Variants in HLA-DRB1 observed in about 807,000 individuals in gnomAD.
The protein encoded by HLA-DRB1 is major histocompatibility complex, class II, DR beta 1 precursor.
Under a neutral mutation model 27.9 loss-of-function variants are expected in HLA-DRB1, and 10 were observed. The ratio of observed to expected loss-of-function variants is 0.36; its 90% CI spans 0.22 to 0.61. HLA-DRB1 has a LOEUF of 0.61. Among genes scored for constraint, HLA-DRB1 ranks in the 20% least tolerant of loss-of-function variants. The probability of loss-of-function intolerance (pLI) is 0.73; values close to 1 mark genes in which losing one functional copy is unlikely to be tolerated. For missense variants in HLA-DRB1, 118 were observed against 306.3 expected, an observed-to-expected ratio of 0.39 and a Z score of 4.59; for synonymous variants, 57 against 126.7, an observed-to-expected ratio of 0.45 and a Z score of 3.69.
At chr6:32,584,707 C>CTG (rs1220752063) in intron 1 of HLA-DRB1, among the ~76,000 whole-genome samples, 29,414 of 96,820 alleles carry the variant, frequency 0.3, 2,554 homozygotes, top group East Asian at 0.36. Context: ...CTGGGAGCCC[C>CTG]AAAGACACTC....
chr6:32,582,431 A>G (rs9469172), intron 2 of HLA-DRB1, among the ~76,000 whole-genome samples: 3 of 120,136 alleles, frequency 2.5e-5, no homozygotes, highest in African/African-American at 3.5e-5. Context: ...ACACCTTGAC[A>G]GAAAAATATG....
intron 2 of HLA-DRB1, among the ~76,000 whole-genome samples, chr6:32,582,140 G>A (rs796755799): frequency 0.07 from 6,315 of 90,670 alleles, no homozygotes; most frequent in Admixed American, 0.097. Context: ...ACTGATATTT[G>A]AGCCAGGTTG....
At chr6:32,589,807 AACC>A (rs1561845815) in exon 1 of HLA-DRB1, 10 of 385,038 alleles carry the variant, frequency 2.6e-5, no homozygotes, top group African/African-American at 1.3e-4. Flanking sequence ...GAGAACTATG[AACC>A]CCTCCACCCA....
At chr6:32,581,288 G>GCAC (rs367671707) in intron 3 of HLA-DRB1, among the ~76,000 whole-genome samples, 4,751 of 33,260 alleles carry the variant, frequency 0.14, 20 homozygotes, top group Middle Eastern at 0.24. Flanking sequence ...CCTGGAGCCT[G>GCAC]GGAGAGTGGG....
chr6:32,585,186 G>A (rs1254156209), intron 1 of HLA-DRB1, among the ~76,000 whole-genome samples: 2 of 87,830 alleles, frequency 2.3e-5, no homozygotes, highest in African/African-American at 5.2e-5. Flanking sequence ...CAAAATGAAT[G>A]AAAGTTTCTC....
At chr6:32,587,854 A>C (rs1434791306) in intron 1 of HLA-DRB1, among the ~76,000 whole-genome samples, 3 of 146,686 alleles carry the variant, frequency 2.0e-5, no homozygotes, top group African/African-American at 7.7e-5. Context: ...GAGAGTAGGG[A>C]CGCTCTCTAA....
exon 6 of HLA-DRB1, chr6:32,578,901 GC>G: frequency 2.1e-6 from 1 of 482,330 alleles, no homozygotes; most frequent in Non-Finnish European, 3.9e-6. Flanking sequence ...TGCCATCAAT[GC>G]TGGGACTTCA....
chr6:32,588,674 C>CTT lies in HLA-DRB1; in HGVS notation c.100+968_100+969insAA, dbSNP rs1170406420. ...AAGACAATGAGTTCCCAAGACTTGC[C>CTT]CATTGACTTTCAGCCCTATGAGACG... is the stretch of plus-strand genomic sequence containing the variant. On this transcript the variant is annotated intron_variant, in intron 1 of 5. Transcript: ENST00000360004. Among the ~76,000 whole-genome samples the CTT allele has an allele frequency of 3.5e-5, 2 of 56,856 alleles. 1 individual carries two copies. Among genetic ancestry groups the CTT allele is most frequent in the East Asian group, 1.4e-3 (2 of 1,466 alleles). The allele number at this position is 56,856 out of a possible 152,430, so 37.3% of individuals were successfully genotyped here. A position where few individuals can be genotyped will look rare whatever the true frequency, so the allele number is the denominator to read the frequency against.
intron 1 of HLA-DRB1, among the ~76,000 whole-genome samples, chr6:32,589,189 A>ACAG (rs34124973): frequency 9.3e-6 from 1 of 107,006 alleles, no homozygotes; most frequent in African/African-American, 3.8e-5. Context: ...TATGAGGACT[A>ACAG]TGGCCAACAC....
intron 2 of HLA-DRB1, among the ~76,000 whole-genome samples, chr6:32,582,746 T>C (rs35410585): frequency 5.3e-3 from 377 of 70,838 alleles, no homozygotes; most frequent in Admixed American, 8.4e-3. Context: ...AGGCCTATCA[T>C]TGTAAAATGA....
At position 32,581,865 on chromosome 6, in the gene HLA-DRB1, T is replaced by A. The variant is rs143082263; in HGVS notation, c.371-27A>T. 4.4e-5 allele frequency: 46 copies of A among 1,045,276 alleles called. No individual in the cohort carries two copies. In the South Asian group the frequency reaches 4.8e-4, roughly 11 times the overall value. 64.8% of individuals were successfully genotyped at this position (1,045,276 alleles called of 1,614,324 possible). ...TAGGAGAAAAACAACGTAGAGGGAA[T>A]GAGTCAGGAAGACAGAGTAAGTCTC... On this transcript the variant is annotated intron_variant, in intron 2 of 5. Coordinates refer to ENST00000360004, the Ensembl canonical transcript of HLA-DRB1.
chr6:32,588,097 G>C (rs34506460), intron 1 of HLA-DRB1, among the ~76,000 whole-genome samples: 18,323 of 129,054 alleles, frequency 0.14, 25 homozygotes, highest in East Asian at 0.21. Context: ...CCTCCTTCTA[G>C]TTGGAAGAAG....
chr6:32,582,297 T>C (rs1416641135), intron 2 of HLA-DRB1, among the ~76,000 whole-genome samples: 1 of 115,112 alleles, frequency 8.7e-6, no homozygotes, highest in East Asian at 2.5e-4. Context: ...GCACGTAAAA[T>C]ATATAAAACA....
chr6:32,585,039 C>A (rs34043063), intron 1 of HLA-DRB1, among the ~76,000 whole-genome samples: 22,016 of 54,564 alleles, frequency 0.4, 7,226 homozygotes, highest in Middle Eastern at 0.51. Flanking sequence ...ATTCAGATTT[C>A]ACTAGGAACC....
chr6:32,581,822 A>T (rs62889561), exon 3 of HLA-DRB1: 2 of 1,313,444 alleles, frequency 1.5e-6, no homozygotes, highest in Admixed American at 1.9e-5. Context: ...AAGGATATAC[A>T]GTCACCTTAG....
In HLA-DRB1 at chr6:32,589,545, G is replaced by C. The variant is rs78836800; in HGVS notation, c.100+98C>G. 49,732 of 284,748 alleles carry C rather than the reference G, an allele frequency of 0.17. 11,159 individuals carry two copies. Among genetic ancestry groups the C allele is most frequent in the African/African-American group, 0.45 (11,642 of 25,876 alleles). The allele number at this position is 284,748 out of a possible 1,614,324, so 17.6% of individuals were successfully genotyped here. Reference sequence around the variant, plus strand: ...AAGATGGGCAATCTCTGAAGAAAACGTCACAATTTCTTAAGGGACATGGCC... The same window carrying C: ...AAGATGGGCAATCTCTGAAGAAAACCTCACAATTTCTTAAGGGACATGGCC... On this transcript the variant is annotated intron_variant, in intron 1 of 5. Transcript: ENST00000360004.
In HLA-DRB1 at chr6:32,583,753, A is replaced by G. The variant is rs796341081; in HGVS notation, c.370+356T>C. Among the ~76,000 whole-genome samples, 214 of 38,666 alleles carry G rather than the reference A, an allele frequency of 5.5e-3. 16 individuals are homozygous for G. The highest frequency in any genetic ancestry group is 0.019 in the Middle Eastern group (1 of 54). 25.4% of individuals were successfully genotyped at this position (38,666 alleles called of 152,430 possible). A position where few individuals can be genotyped will look rare whatever the true frequency, so the allele number is the denominator to read the frequency against. On this transcript the variant is annotated intron_variant, in intron 2 of 5. Transcript: ENST00000360004. ...TTACATTTCCCTTCCCTGCATCTCT[A>G]AGGACCGAGATAATCAAGGTCTCCT... is the stretch of plus-strand genomic sequence containing the variant.
intron 2 of HLA-DRB1, among the ~76,000 whole-genome samples, chr6:32,583,059 A>G (rs555996141): frequency 7.7e-6 from 1 of 130,222 alleles, no homozygotes; most frequent in South Asian, 2.5e-4. Flanking sequence ...TGGATCAAAT[A>G]TCAATAAAGT....
At chr6:32,581,160 G>A (rs9269781) in intron 3 of HLA-DRB1, among the ~76,000 whole-genome samples, 21,133 of 50,718 alleles carry the variant, frequency 0.42, 6,871 homozygotes, top group Middle Eastern at 0.69. Flanking sequence ...TAAAAAGCAG[G>A]GCTGAGATTG....
Sources: gnomAD v4.1 joint callset for allele counts (sites outside exome capture counted in the v4.1 genomes callset) on GRCh38, gnomAD v4.1.1 for gene constraint, MANE v1.5 for transcripts, NCBI Gene and HGNC (gene_info 2026-07-23, HGNC 2026-07-21) for gene names.